The following KLF8 variants were observed in gnomAD, a reference collection of about 807,000 sequenced individuals.
KLF8 encodes the protein Krueppel-like factor 8.
In KLF8, 10 loss-of-function variants were observed where a neutral mutation model predicts 18.2. The ratio of observed to expected loss-of-function variants is 0.55; its 90% CI spans 0.34 to 0.93. The LOEUF (loss-of-function observed/expected upper bound fraction) is 0.93. Ranked by LOEUF, KLF8 falls within the 40% of genes least tolerant of loss-of-function variation. The probability of loss-of-function intolerance (pLI) is 0.02; values close to 1 mark genes in which losing one functional copy is unlikely to be tolerated. For synonymous variants in KLF8, 109 were observed against 97.3 expected (o/e 1.12, Z -0.71); for missense variants, 264 against 277.9 (o/e 0.95, Z 0.36).
At chrX:56,217,199 T>C in the KLF8 span, among the ~76,000 whole-genome samples, 1 of 111,234 alleles carries the variant, frequency 9.0e-6, no homozygotes, top group Non-Finnish European at 1.9e-5. Flanking sequence ...ACTTCCTATC[T>C]TGGAGGCATA....
At chrX:56,106,067 G>A in the KLF8 span, among the ~76,000 whole-genome samples, 1 of 111,559 alleles carries the variant, frequency 9.0e-6, no homozygotes, top group Non-Finnish European at 1.9e-5. Context: ...CTGGCTTATA[G>A]GATTTTTACC....
At chrX:56,092,307 A>G in the KLF8 span, among the ~76,000 whole-genome samples, 1 of 111,925 alleles carries the variant, frequency 8.9e-6, no homozygotes, top group Non-Finnish European at 1.9e-5. Flanking sequence ...TGCAGTGCAG[A>G]AACTTTTTAA....
chrX:56,055,222 C>G, the KLF8 span, among the ~76,000 whole-genome samples: 1 of 112,080 alleles, frequency 8.9e-6, no homozygotes, highest in Non-Finnish European at 1.9e-5. Flanking sequence ...AATGGGCTTA[C>G]TTTTCCATAT....
the KLF8 span, among the ~76,000 whole-genome samples, chrX:55,987,367 C>G: frequency 9.1e-6 from 1 of 109,829 alleles, no homozygotes; most frequent in East Asian, 2.8e-4. Flanking sequence ...AACCCCACAA[C>G]AGGCCCCGGG....
chrX:56,108,030 C>T, the KLF8 span, among the ~76,000 whole-genome samples: 16 of 111,859 alleles, frequency 1.4e-4, no homozygotes, highest in African/African-American at 4.9e-4. Flanking sequence ...TGTGTAGAAA[C>T]ACAACCGATT....
the KLF8 span, among the ~76,000 whole-genome samples, chrX:56,186,400 G>C: frequency 9.0e-6 from 1 of 111,346 alleles, no homozygotes; most frequent in Non-Finnish European, 1.9e-5. Flanking sequence ...CCTACAAAGA[G>C]ACTTAGACTC....
chrX:55,977,580 A>G, the KLF8 span, among the ~76,000 whole-genome samples: 1 of 110,808 alleles, frequency 9.0e-6, no homozygotes, highest in Admixed American at 9.7e-5. Context: ...TCATGCATAG[A>G]TAATTGTTCA....
At chrX:56,171,801 C>T in the KLF8 span, among the ~76,000 whole-genome samples, 2 of 111,649 alleles carry the variant, frequency 1.8e-5, no homozygotes, top group East Asian at 5.6e-4. Context: ...GCTACAAGTC[C>T]TTGCTATTGT....
the KLF8 span, among the ~76,000 whole-genome samples, chrX:56,197,781 C>CA: frequency 2.8e-4 from 31 of 110,469 alleles, no homozygotes; most frequent in South Asian, 1.9e-3. Flanking sequence ...AGAGACACAA[C>CA]AAAAAAAAGA....
chrX:56,191,249 A>G, the KLF8 span, among the ~76,000 whole-genome samples: 1 of 112,037 alleles, frequency 8.9e-6, no homozygotes, highest in African/African-American at 3.2e-5. Context: ...GCCTACTAGC[A>G]ATGAACCACA....
chrX:56,218,743 CCTT>C, the KLF8 span, among the ~76,000 whole-genome samples: 14 of 112,079 alleles, frequency 1.2e-4, no homozygotes, highest in South Asian at 4.9e-3. Flanking sequence ...GGGCAAATCT[CCTT>C]CTCAGAAACT....
At chrX:56,236,342 C>T (rs925320984) in intron 1 of KLF8, among the ~76,000 whole-genome samples, 2 of 111,653 alleles carry the variant, frequency 1.8e-5, no homozygotes, top group African/African-American at 6.5e-5. Flanking sequence ...TAGACACTAC[C>T]TCATAAGGTT....
the KLF8 span, among the ~76,000 whole-genome samples, chrX:56,048,738 C>T: frequency 5.4e-5 from 6 of 111,629 alleles, no homozygotes; most frequent in Non-Finnish European, 9.4e-5. Flanking sequence ...TTAGGATTGA[C>T]GTGGCAATGC....
chrX:56,124,052 T>C, the KLF8 span, among the ~76,000 whole-genome samples: 1 of 111,729 alleles, frequency 9.0e-6, no homozygotes, highest in Non-Finnish European at 1.9e-5. Flanking sequence ...TACAATACAT[T>C]GTAGTTATTT....
chrX:56,161,355 C>T, the KLF8 span, among the ~76,000 whole-genome samples: 1 of 111,850 alleles, frequency 8.9e-6, no homozygotes, highest in Non-Finnish European at 1.9e-5. Context: ...TAATATCCTG[C>T]AGAGTGTTTT....
At chrX:56,059,896 A>T in the KLF8 span, among the ~76,000 whole-genome samples, 7 of 112,138 alleles carry the variant, frequency 6.2e-5, no homozygotes, top group Admixed American at 6.6e-4. Context: ...GAAAAAAGGC[A>T]ATGGTAGCTT....
chrX:56,117,534 T>C, the KLF8 span, among the ~76,000 whole-genome samples: 2 of 111,773 alleles, frequency 1.8e-5, no homozygotes, highest in Non-Finnish European at 3.8e-5. Context: ...CAGTTTGCCA[T>C]TGATTTCAGC....
At chrX:56,280,194 C>T (rs953057868) in intron 5 of KLF8, among the ~76,000 whole-genome samples, 1 of 111,992 alleles carries the variant, frequency 8.9e-6, no homozygotes, top group Non-Finnish European at 1.9e-5. Flanking sequence ...ATGGCATCAC[C>T]CATTTTCCCA....
chrX:56,034,371 A>G, the KLF8 span, among the ~76,000 whole-genome samples: 1 of 112,211 alleles, frequency 8.9e-6, no homozygotes, highest in Non-Finnish European at 1.9e-5. Context: ...TTCTTTGTGT[A>G]TGTGTCTATT....
Sources: gnomAD v4.1 joint callset for allele counts (sites outside exome capture counted in the v4.1 genomes callset) on GRCh38, gnomAD v4.1.1 for gene constraint, MANE v1.5 for transcripts, NCBI Gene and HGNC (gene_info 2026-07-23, HGNC 2026-07-21) for gene names.